Variants in TCF4 observed in about 807,000 individuals in gnomAD.
The protein encoded by TCF4 is transcription factor 4.
A neutral mutation model predicts 82.1 loss-of-function variants in TCF4; 3 were observed. The observed-to-expected ratio is 0.04, with a 90% confidence interval of 0.02 to 0.09. The LOEUF (loss-of-function observed/expected upper bound fraction) is 0.09. Ranked by LOEUF, TCF4 falls within the 10% of genes least tolerant of loss-of-function variation. The pLI, the probability that TCF4 is intolerant of heterozygous loss-of-function variation, is 1.00. For missense variants in TCF4, 518 were observed against 852.7 expected (o/e 0.61, Z 4.89); for synonymous variants, 276 against 309.6 (o/e 0.89, Z 1.14).
intron 5 of TCF4, 53 bp from the exon 6 acceptor site, chr18:55,403,571 A>G: frequency 6.2e-7 from 1 of 1,613,692 alleles, no homozygotes; most frequent in African/African-American, 1.3e-5. Flanking sequence ...TTAAAAAAAA[A>G]TCTCCTCCAG....
intron 8 of TCF4, among the ~76,000 whole-genome samples, chr18:55,328,242 A>G (rs1349178905): frequency 6.6e-6 from 1 of 152,174 alleles, no homozygotes; most frequent in African/African-American, 2.4e-5. Context: ...CAAATATTAA[A>G]TGAAATTAGG....
chr18:55,258,134 G>A (rs1011543697), intron 13 of TCF4, among the ~76,000 whole-genome samples: 1 of 152,064 alleles, frequency 6.6e-6, no homozygotes. Flanking sequence ...CTCATGCCCC[G>A]ACACTGTTAG....
chr18:55,409,437 T>G (rs953170305), intron 5 of TCF4, among the ~76,000 whole-genome samples: 1 of 152,128 alleles, frequency 6.6e-6, no homozygotes, highest in African/African-American at 2.4e-5. Flanking sequence ...CTAACTCCTA[T>G]GCTCAAGGAT....
intron 3 of TCF4, chr18:55,510,545 A>G: frequency 7.0e-7 from 1 of 1,422,284 alleles, no homozygotes; most frequent in Admixed American, 2.3e-5. Context: ...AATCAAGAGT[A>G]AGCTTTTAAA....
intron 15 of TCF4, among the ~76,000 whole-genome samples, chr18:55,243,281 T>G (rs2051935244): frequency 6.6e-6 from 1 of 152,184 alleles, no homozygotes; most frequent in Admixed American, 6.5e-5. Flanking sequence ...AGACTACATA[T>G]TTCTGACAAA....
In TCF4 at chr18:55,259,994, A is replaced by C. The variant is rs1453727346; in HGVS notation, c.1024T>G (p.Ser342Ala). 6.2e-7 allele frequency: 1 copy of C among 1,613,576 alleles called. No homozygotes were observed. The highest frequency in any genetic ancestry group is 8.5e-7 in the Non-Finnish European group (1 of 1,179,606). ...YSPDHTNNSF[S>A]SNPSTPVGSP... The stretch of plus-strand genomic sequence containing the variant: ...CCAACAGGAGTTGAAGGGTTTGATG[A>C]AAAGCTGTTGTTAGTGTGATCTGGA... Residue 342 changes from serine to alanine, a missense_variant, in exon 13 of 20, where the codon TCA becomes GCA. By Grantham distance (99) the Ser-to-Ala change is moderately conservative. Around this residue, in one of 7 missense-constraint regions of TCF4, gnomAD observed 211 missense variants for 327.4 expected, o/e 0.64. Transcript: ENST00000354452.
chr18:55,558,891 G>A (rs962821333), intron 3 of TCF4, among the ~76,000 whole-genome samples: 1 of 152,054 alleles, frequency 6.6e-6, no homozygotes, highest in African/African-American at 2.4e-5. Flanking sequence ...GGTTGCCTGT[G>A]TGACTCTTAA....
intron 8 of TCF4, among the ~76,000 whole-genome samples, chr18:55,333,747 AAG>A: frequency 6.6e-6 from 1 of 152,176 alleles, no homozygotes; most frequent in East Asian, 1.9e-4. Flanking sequence ...TGTTGTTTTC[AAG>A]ACTGCAAGTT....
chr18:55,290,270 T>C (rs955253338), intron 8 of TCF4, among the ~76,000 whole-genome samples: 1 of 152,178 alleles, frequency 6.6e-6, no homozygotes, highest in East Asian at 1.9e-4. Flanking sequence ...CAAATAACTT[T>C]AGATGCGATT....
At chr18:55,562,539 A>C (rs2097363925) in intron 3 of TCF4, among the ~76,000 whole-genome samples, 3 of 152,160 alleles carry the variant, frequency 2.0e-5, no homozygotes, top group Admixed American at 6.5e-5. Flanking sequence ...AGTTCCCCTC[A>C]CAACTGGGCA....
chr18:55,460,878 C>G, intron 5 of TCF4, 141 bp downstream of exon 5: 1 of 737,392 alleles, frequency 1.4e-6, no homozygotes, highest in East Asian at 2.7e-5. Context: ...CCAATCCTCT[C>G]TGCAATTTAA....
At chr18:55,391,810 C>T (rs889411487) in intron 6 of TCF4, among the ~76,000 whole-genome samples, 10 of 151,022 alleles carry the variant, frequency 6.6e-5, no homozygotes, top group African/African-American at 2.4e-4. Context: ...AGGTGGCACA[C>T]GCCTGTAATC....
chr18:55,390,067 T>C (rs1186799437), intron 6 of TCF4, among the ~76,000 whole-genome samples: 4 of 152,078 alleles, frequency 2.6e-5, no homozygotes, highest in African/African-American at 9.7e-5. Flanking sequence ...GAATTATCTA[T>C]TTTTCTCAAC....
chr18:55,392,324 T>A (rs2093185719), intron 6 of TCF4, among the ~76,000 whole-genome samples: 1 of 151,846 alleles, frequency 6.6e-6, no homozygotes, highest in Admixed American at 6.6e-5. Context: ...TGGTTGTCAA[T>A]ACTGCTACTA....
chr18:55,601,138 T>G (rs1237135685), intron 2 of TCF4, among the ~76,000 whole-genome samples: 1 of 152,096 alleles, frequency 6.6e-6, no homozygotes, highest in Non-Finnish European at 1.5e-5. Flanking sequence ...TCAAAAGAAA[T>G]AAGTGCTGTA....
chr18:55,528,463 C>G (rs918329716), intron 3 of TCF4, among the ~76,000 whole-genome samples: 1 of 152,150 alleles, frequency 6.6e-6, no homozygotes, highest in Non-Finnish European at 1.5e-5. Context: ...TTAACTGAAC[C>G]TTTGTTCATT....
intron 15 of TCF4, among the ~76,000 whole-genome samples, chr18:55,250,490 T>TA (rs1397729509): frequency 6.6e-6 from 1 of 152,176 alleles, no homozygotes; most frequent in African/African-American, 2.4e-5. Flanking sequence ...TGCCTGGTAG[T>TA]AAAAAAGAGC....
intron 5 of TCF4, among the ~76,000 whole-genome samples, chr18:55,440,921 T>G (rs1325901228): frequency 6.6e-6 from 1 of 152,208 alleles, no homozygotes. Flanking sequence ...GTTTCCATTC[T>G]GGGTGCTTTT....
intron 5 of TCF4, among the ~76,000 whole-genome samples, chr18:55,408,617 T>C (rs890310895): frequency 3.9e-5 from 6 of 152,212 alleles, no homozygotes; most frequent in African/African-American, 1.4e-4. Context: ...CTCAAAGCTC[T>C]ACATAAAATG....
Sources: gnomAD v4.1 joint callset for allele counts (sites outside exome capture counted in the v4.1 genomes callset) on GRCh38, gnomAD v4.1.1 for gene constraint, gnomAD v4.1.1 regional missense constraint, MANE v1.5 for transcripts, NCBI Gene and HGNC (gene_info 2026-07-23, HGNC 2026-07-21) for gene names.